Variants in ESYT2 observed in about 807,000 individuals in gnomAD.
ESYT2 encodes extended synaptotagmin-2.
In ESYT2, 54 loss-of-function variants were observed where a neutral mutation model predicts 107.2. The ratio of observed to expected loss-of-function variants is 0.50; its 90% CI spans 0.40 to 0.63. The LOEUF is 0.63. ESYT2 is among the 30% of genes least tolerant of loss of function. The pLI is 0.00. For synonymous variants in ESYT2, 491 were observed against 434.1 expected (o/e 1.13, Z -1.63); for missense variants, 1,020 against 1,094.5 (o/e 0.93, Z 0.96).
chr7:158,760,027 T>G, intron 12 of ESYT2, 31 bp downstream of exon 12: 1 of 1,604,596 alleles, frequency 6.2e-7, no homozygotes, highest in Non-Finnish European at 8.5e-7. Context: ...GTTGGTTAGG[T>G]AGTTTTCAAG....
chr7:158,763,629 T>C (rs1195806805), intron 9 of ESYT2, among the ~76,000 whole-genome samples: 1 of 152,074 alleles, frequency 6.6e-6, no homozygotes, highest in Non-Finnish European at 1.5e-5. Flanking sequence ...TTTTTTATTG[T>C]CAAGTCACAC....
Position 158,765,366 on chromosome 7 carries a change from T to A in ESYT2, c.925-513A>T, listed in dbSNP as rs1007837824. Among the ~76,000 whole-genome samples, 3 of 152,250 alleles carry A rather than the reference T, an allele frequency of 2.0e-5. No homozygotes were observed. The South Asian group carries it at 6.2e-4, about 31-fold the overall frequency. ...CTGTTTCATTTTCAGAATAATTCTA[T>A]GCAATCCTGTCATTAAACTTATTTT... On this transcript the variant is annotated intron_variant, in intron 8 of 22. Transcript: ENST00000275418.
intron 6 of ESYT2, among the ~76,000 whole-genome samples, chr7:158,785,245 A>G (rs1420692651): frequency 6.6e-6 from 1 of 152,160 alleles, no homozygotes; most frequent in African/African-American, 2.4e-5. Context: ...TGACATGGTG[A>G]AACCCCGTCT....
chr7:158,820,827 T>C (rs185477344), intron 1 of ESYT2, among the ~76,000 whole-genome samples: 67 of 152,336 alleles, frequency 4.4e-4, no homozygotes, highest in Middle Eastern at 3.4e-3. Context: ...AACCCACCAA[T>C]TCATACTATG....
intron 15 of ESYT2, 93 bp downstream of exon 15, chr7:158,749,556 T>C: frequency 8.6e-7 from 1 of 1,168,668 alleles, no homozygotes; most frequent in South Asian, 1.3e-5. Context: ...CACAACTGAA[T>C]GTATTTGCAA....
intron 19 of ESYT2, among the ~76,000 whole-genome samples, chr7:158,738,329 ACACAC>A (rs1837048402): frequency 1.9e-4 from 16 of 84,814 alleles, no homozygotes; most frequent in African/African-American, 5.8e-4. Context: ...AAAAAAAAAT[ACACAC>A]ACACACACAG....
intron 9 of ESYT2, among the ~76,000 whole-genome samples, chr7:158,763,903 A>G (rs181823485): frequency 1.3e-5 from 2 of 152,298 alleles, no homozygotes; most frequent in Admixed American, 6.5e-5. Flanking sequence ...TCAGGGTAAG[A>G]AACTGGCAAG....
At chr7:158,802,416 G>A (rs1839672644) in intron 1 of ESYT2, among the ~76,000 whole-genome samples, 1 of 152,156 alleles carries the variant, frequency 6.6e-6, no homozygotes, top group South Asian at 2.1e-4. Context: ...GAGTAGCTGG[G>A]ACTACAGGTG....
At chr7:158,762,258 A>G (rs967909927) in intron 10 of ESYT2, among the ~76,000 whole-genome samples, 4 of 152,028 alleles carry the variant, frequency 2.6e-5, no homozygotes, top group African/African-American at 9.7e-5. Context: ...GTCCTGGTCT[A>G]TGACACACTC....
intron 18 of ESYT2, 51 bp downstream of exon 18, chr7:158,741,472 T>TA (rs1554580274): frequency 8.0e-6 from 12 of 1,508,694 alleles, no homozygotes; most frequent in Admixed American, 2.2e-5. Context: ...CAGCGTGGGG[T>TA]GGGGGGCGCT....
chr7:158,758,317 C>T (rs1340152342), intron 13 of ESYT2, among the ~76,000 whole-genome samples: 1 of 152,212 alleles, frequency 6.6e-6, no homozygotes, highest in Non-Finnish European at 1.5e-5. Context: ...AGGAAATGCA[C>T]AGTTCTCAGA....
At position 158,734,070 on chromosome 7, in the gene ESYT2, C is replaced by T; in HGVS notation, c.*137G>A. ...TGGCCAAATTTGCCTGAAATGTCAA[C>T]AATTTTATAAAACTATTAAGGTATG... On this transcript the variant is annotated 3_prime_UTR_variant, in exon 23 of 23. Coordinates refer to ENST00000275418, the MANE Select transcript of ESYT2 (RefSeq NM_001367773.1). The T allele has an allele frequency of 4.5e-6, 5 of 1,104,426 alleles. No homozygotes were observed. Among genetic ancestry groups the T allele is most frequent in the South Asian group, 1.6e-5 (1 of 61,416 alleles). The allele number at this position is 1,104,426 out of a possible 1,614,324, so 68.4% of individuals were successfully genotyped here.
rs1403082363 is a variant in ESYT2, at chr7:158,760,054, G to A, written c.1323+4C>T. The A allele has an allele frequency of 1.9e-6, 3 of 1,613,932 alleles. No homozygotes were observed. Among genetic ancestry groups the A allele is most frequent in the Admixed American group, 1.7e-5 (1 of 60,000 alleles). Reference sequence around the variant, plus strand: ...GTTTTCAAGAGCACATGCTTCAACAGCACCTTGTCGAGGTTTGACGCATTT... The same window carrying A: ...GTTTTCAAGAGCACATGCTTCAACAACACCTTGTCGAGGTTTGACGCATTT... On this transcript the variant is annotated splice_donor_region_variant and intron_variant, in intron 12 of 22. Transcript: ENST00000275418.
chr7:158,807,986 C>T (rs112855523), intron 1 of ESYT2, among the ~76,000 whole-genome samples: 3 of 152,180 alleles, frequency 2.0e-5, no homozygotes, highest in African/African-American at 4.8e-5. Flanking sequence ...CAGCCTCTCT[C>T]TCCAGAGAGC....
At chr7:158,773,268 C>T (rs952152740) in intron 7 of ESYT2, 73 bp downstream of exon 7, 19 of 1,531,916 alleles carry the variant, frequency 1.2e-5, no homozygotes, top group Non-Finnish European at 1.5e-5. Flanking sequence ...CATTCTCACA[C>T]TATTGTCAAG....
chr7:158,818,502 G>T (rs1326908145), intron 1 of ESYT2, among the ~76,000 whole-genome samples: 1 of 152,162 alleles, frequency 6.6e-6, no homozygotes, highest in Non-Finnish European at 1.5e-5. Flanking sequence ...AAACCCCAGG[G>T]CTCATCTGTT....
chr7:158,742,069 T>C (rs1029029950), intron 17 of ESYT2, among the ~76,000 whole-genome samples, 173 bp from the exon 18 acceptor site: 2 of 152,172 alleles, frequency 1.3e-5, no homozygotes, highest in East Asian at 1.9e-4. Flanking sequence ...GTGATACAAA[T>C]ACCACTTTTT....
At chr7:158,744,566 G>GT (rs1421162978) in intron 16 of ESYT2, among the ~76,000 whole-genome samples, 3 of 152,186 alleles carry the variant, frequency 2.0e-5, no homozygotes, top group African/African-American at 7.2e-5. Context: ...ATCTCACTAT[G>GT]TTGCCCAGGC....
At chr7:158,797,126 A>G (rs891462946) in intron 3 of ESYT2, among the ~76,000 whole-genome samples, 1 of 152,060 alleles carries the variant, frequency 6.6e-6, no homozygotes, top group Non-Finnish European at 1.5e-5. Flanking sequence ...CTTGGTGAAC[A>G]ATTTTCTTCA....
Sources: allele counts gnomAD v4.1 joint callset (sites outside exome capture counted in the v4.1 genomes callset), GRCh38; gene constraint gnomAD v4.1.1; transcripts MANE v1.5; gene names NCBI Gene and HGNC (gene_info 2026-07-23, HGNC 2026-07-21).